ANGPT4: variants seen among roughly 807,000 people sequenced by gnomAD.
ANGPT4 encodes the protein angiopoietin-4.
In ANGPT4, 50 loss-of-function variants were observed where a neutral mutation model predicts 53.0. That is an observed-to-expected ratio of 0.94 (90% CI 0.75 to 1.20). The LOEUF (loss-of-function observed/expected upper bound fraction) is 1.20. ANGPT4 is among the 50% of genes most tolerant of loss of function. The pLI is 0.00. For missense variants in ANGPT4, 648 were observed against 637.1 expected (o/e 1.02, Z -0.18); for synonymous variants, 251 against 259.7 (o/e 0.97, Z 0.32).
At position 914,186 on chromosome 20, in the gene ANGPT4, A is replaced by G. The variant is rs562194391; in HGVS notation, c.309+1720T>C. On this transcript the variant is annotated intron_variant, in intron 1 of 8. Transcript: ENST00000381922. The surrounding 1 kb of genome is among the most constrained non-coding windows in gnomAD (Gnocchi z 5.0). The stretch of plus-strand genomic sequence containing the variant: ...GGGAACCCAGAAGTGAGCAAAAGAG[A>G]CATGGCGCCTGCCCTCTGGGAGCTC... 1.6e-4 allele frequency among the ~76,000 whole-genome samples: 24 copies of G among 152,276 alleles called. No individual in the cohort carries two copies. Among genetic ancestry groups the G allele is most frequent in the African/African-American group, 5.8e-4 (24 of 41,534 alleles).
intron 5 of ANGPT4, among the ~76,000 whole-genome samples, chr20:880,158 C>T (rs1404868360): frequency 2.6e-5 from 4 of 152,114 alleles, no homozygotes; most frequent in Non-Finnish European, 5.9e-5. Flanking sequence ...AGATGAGTCA[C>T]GTAAAGTGTT....
intron 1 of ANGPT4, among the ~76,000 whole-genome samples, chr20:909,982 T>C (rs1291547671): frequency 1.3e-5 from 2 of 152,182 alleles, no homozygotes; most frequent in South Asian, 4.1e-4. Flanking sequence ...AAAAATCTAG[T>C]AGCTATGGAT....
intron 1 of ANGPT4, among the ~76,000 whole-genome samples, chr20:901,695 T>C (rs993519966): frequency 2.0e-5 from 3 of 152,190 alleles, no homozygotes; most frequent in Non-Finnish European, 4.4e-5. Context: ...GGTGGATCGC[T>C]TAAGCTCAGG....
chr20:915,225 C>CG (rs541422464), intron 1 of ANGPT4, among the ~76,000 whole-genome samples: 349 of 99,246 alleles, frequency 3.5e-3, no homozygotes, highest in African/African-American at 0.025. Context: ...CTTCCAGTGG[C>CG]CCCCCCCCCA....
chr20:909,447 T>C (rs750316267), intron 1 of ANGPT4, among the ~76,000 whole-genome samples: 1 of 152,196 alleles, frequency 6.6e-6, no homozygotes, highest in Non-Finnish European at 1.5e-5. Context: ...TTCTCATAGT[T>C]ACACAGCTAA....
In ANGPT4 at chr20:908,347, A is replaced by G. The variant is rs1157007049; in HGVS notation, c.309+7559T>C. On this transcript the variant is annotated intron_variant, in intron 1 of 8. Coordinates refer to ENST00000381922, the MANE Select transcript of ANGPT4 (RefSeq NM_015985.4). The surrounding 1 kb of genome is among the most constrained non-coding windows in gnomAD (Gnocchi z 4.9). ...ACTGAATGCCTTTTGCTTTTGGCCCATTCTACCCCCAGGGCCTTTGCACTT... is the reference window on the plus strand; with the variant it reads ...ACTGAATGCCTTTTGCTTTTGGCCCGTTCTACCCCCAGGGCCTTTGCACTT... Among the ~76,000 whole-genome samples the G allele has an allele frequency of 6.6e-6, 1 of 152,046 alleles. No individual in the cohort carries two copies. The highest frequency in any genetic ancestry group is 2.4e-5 in the African/African-American group (1 of 41,384).
chr20:899,087 G>A (rs1982172849), intron 1 of ANGPT4, among the ~76,000 whole-genome samples: 1 of 152,144 alleles, frequency 6.6e-6, no homozygotes, highest in East Asian at 1.9e-4. Flanking sequence ...CTCTTACAGT[G>A]GAGGGTAAGT....
At chr20:890,987 T>G (rs947856343) in intron 1 of ANGPT4, among the ~76,000 whole-genome samples, 3 of 152,228 alleles carry the variant, frequency 2.0e-5, no homozygotes, top group Admixed American at 2.0e-4. Flanking sequence ...CTATCTCTCT[T>G]TTTATCTGTC....
At position 911,475 on chromosome 20, in the gene ANGPT4, A is replaced by T. The variant is rs145394369; in HGVS notation, c.309+4431T>A. The stretch of plus-strand genomic sequence containing the variant: ...GGACACTCGGGGAGGTAGAGGTGGG[A>T]GGGATGGCCTTGGGGTGAGAAAAGG... On this transcript the variant is annotated intron_variant, in intron 1 of 8. Transcript: ENST00000381922. This position sits in a 1 kb window ranked among gnomAD's most constrained non-coding sequence, Gnocchi z 4.9. 1.7e-3 allele frequency among the ~76,000 whole-genome samples: 259 copies of T among 152,202 alleles called. No homozygotes were observed. In the East Asian group the frequency reaches 0.017, roughly 10 times the overall value.
Position 916,186 on chromosome 20 carries a change from C to T in ANGPT4, c.29G>A (p.Gly10Asp). The change falls in exon 1 of 9, where the codon GGC becomes GAC. Residue 10 changes from glycine to aspartate, a missense_variant. Transcript: ENST00000381922. MLSQLAMLQ[G>D]SLLLVVATMS... ...GGTGGCAACCACAAGGAGGAGGCTG[C>T]CCTGCAGCATGGCTAGCTGGGAGAG... is the stretch of plus-strand genomic sequence containing the variant. The T allele has an allele frequency of 6.2e-7, 1 of 1,613,612 alleles. No individual in the cohort carries two copies. The highest frequency in any genetic ancestry group is 8.5e-7 in the Non-Finnish European group (1 of 1,179,680).
At chr20:904,012 C>T (rs554637965) in intron 1 of ANGPT4, among the ~76,000 whole-genome samples, 2 of 152,176 alleles carry the variant, frequency 1.3e-5, no homozygotes, top group Non-Finnish European at 2.9e-5. Flanking sequence ...ATGGCCAGAT[C>T]TGGTGCAGAC....
chr20:874,242 G>A (rs1018720957), intron 8 of ANGPT4, 42 bp downstream of exon 8: 8 of 1,610,212 alleles, frequency 5.0e-6, no homozygotes, highest in East Asian at 2.2e-5. Flanking sequence ...CAATCTGGGT[G>A]AGCCTGTGGG....
chr20:906,096 C>G (rs536013086), intron 1 of ANGPT4, among the ~76,000 whole-genome samples: 1 of 152,332 alleles, frequency 6.6e-6, no homozygotes, highest in Non-Finnish European at 1.5e-5. Context: ...TCCCCTCTCT[C>G]AACAAGTCAG....
chr20:897,966 C>T (rs1982120993), intron 1 of ANGPT4, among the ~76,000 whole-genome samples: 1 of 152,150 alleles, frequency 6.6e-6, no homozygotes, highest in Admixed American at 6.5e-5. Flanking sequence ...TCTTACAAGA[C>T]CTGGATGATT....
intron 7 of ANGPT4, among the ~76,000 whole-genome samples, chr20:874,964 C>T (rs1433958442): frequency 6.6e-6 from 1 of 152,182 alleles, no homozygotes; most frequent in East Asian, 1.9e-4. Context: ...AAGCAGTCTG[C>T]CTGCCTTGGC....
In ANGPT4 at chr20:914,944, T is replaced by G. The variant is rs1275934296; in HGVS notation, c.309+962A>C. Among the ~76,000 whole-genome samples the G allele has an allele frequency of 6.6e-6, 1 of 152,154 alleles. No individual in the cohort carries two copies. The highest frequency in any genetic ancestry group is 2.1e-4 in the South Asian group (1 of 4,834). ...CACAGTGGCATCCTCAGCTCCTTGC[T>G]TCCTCCCACTCCGCATCCAATTCAC... On this transcript the variant is annotated intron_variant, in intron 1 of 8. Coordinates refer to ENST00000381922, the MANE Select transcript of ANGPT4 (RefSeq NM_015985.4). This position sits in a 1 kb window ranked among gnomAD's most constrained non-coding sequence, Gnocchi z 5.0.
Position 915,986 on chromosome 20 carries a change from G to A in ANGPT4, c.229C>T (p.Leu77=), listed in dbSNP as rs774153532. 5.0e-6 allele frequency: 8 copies of A among 1,612,468 alleles called. No individual in the cohort carries two copies. The highest frequency in any genetic ancestry group is 1.1e-5 in the South Asian group (1 of 91,048). ...TGGGTGGGCAACTTCCCCAGGTGCA[G>A]TGGGTTGGCCAGTGATTCTCTCTGG... ...TLQRESLANP[L]HLGKLPTQQV... Residue 77 remains leucine, a synonymous_variant, in exon 1 of 9, where the codon CTG becomes TTG. Coordinates refer to ENST00000381922, the MANE Select transcript of ANGPT4 (RefSeq NM_015985.4).
At chr20:901,136 C>T (rs1600060125) in intron 1 of ANGPT4, among the ~76,000 whole-genome samples, 1 of 152,274 alleles carries the variant, frequency 6.6e-6, no homozygotes, top group Middle Eastern at 3.4e-3. Context: ...AAAATTTTCG[C>T]CACCCCAACA....
At chr20:873,250 T>C (rs962785203) in intron 8 of ANGPT4, 130 bp from the exon 9 acceptor site, 5 of 171,834 alleles carry the variant, frequency 2.9e-5, no homozygotes, top group African/African-American at 1.7e-4. Context: ...GCCAGCTGGC[T>C]GGGGATGGGG....
Sources: allele counts gnomAD v4.1 joint callset (sites outside exome capture counted in the v4.1 genomes callset), GRCh38; gene constraint gnomAD v4.1.1; non-coding constraint Gnocchi (gnomAD v3.1); transcripts MANE v1.5; gene names NCBI Gene and HGNC (gene_info 2026-07-23, HGNC 2026-07-21).